PHACTR2: variants seen among roughly 807,000 people sequenced by gnomAD.
PHACTR2 encodes chromosome 6 open reading frame 56.
In PHACTR2, 30 loss-of-function variants were observed where a neutral mutation model predicts 76.0. That is an observed-to-expected ratio of 0.39 (90% CI 0.30 to 0.54). The LOEUF (loss-of-function observed/expected upper bound fraction) is 0.54, where lower values mean the gene tolerates loss of function less well. PHACTR2 is among the 20% of genes least tolerant of loss of function. The pLI is 0.61. For missense variants in PHACTR2, 696 were observed against 781.1 expected (o/e 0.89, Z 1.30); for synonymous variants, 292 against 292.5 (o/e 1.00, Z 0.02).
At chr6:143,574,936 C>G (rs1164187392) in intron 1 of PHACTR2, among the ~76,000 whole-genome samples, 1 of 152,192 alleles carries the variant, frequency 6.6e-6, no homozygotes, top group Non-Finnish European at 1.5e-5. Context: ...CGTTAATAGA[C>G]TTGTGAAATT....
In PHACTR2 at chr6:143,683,656, T is replaced by C. The variant is rs527921229; in HGVS notation, c.46+5447T>C. On this transcript the variant is annotated intron_variant, in intron 1 of 12. Transcript: ENST00000440869. The surrounding 1 kb of genome is among the most constrained non-coding windows in gnomAD (Gnocchi z 4.1). Reference sequence around the variant, plus strand: ...AGTTTTGTTCAGGGCCCTGTATTTGTCTTGTCCAGAATATTTATCCATTTC... The same window carrying C: ...AGTTTTGTTCAGGGCCCTGTATTTGCCTTGTCCAGAATATTTATCCATTTC... Among the ~76,000 whole-genome samples, 63 of 152,346 alleles carry C rather than the reference T, an allele frequency of 4.1e-4. No homozygotes were observed. The highest frequency in any genetic ancestry group is 3.4e-3 in the Middle Eastern group (1 of 294).
At position 143,738,462 on chromosome 6, in the gene PHACTR2, C is replaced by G. The variant is rs1036923976; in HGVS notation, c.215-10523C>G. 8.6e-5 allele frequency among the ~76,000 whole-genome samples: 13 copies of G among 151,870 alleles called. No individual in the cohort carries two copies. The highest frequency in any genetic ancestry group is 1.5e-4 in the Non-Finnish European group (10 of 67,950). On this transcript the variant is annotated intron_variant, in intron 2 of 12. Transcript: ENST00000440869. The surrounding 1 kb of genome is among the most constrained non-coding windows in gnomAD (Gnocchi z 4.0). ...TTACCCCAGGGCAATAGAATTAGAT[C>G]TTTAAATGAGTTGGGACCAGCACAG...
chr6:143,782,309 G>T lies in PHACTR2; in HGVS notation c.1646-910G>T, dbSNP rs1775451704. Among the ~76,000 whole-genome samples, 1 of 152,112 alleles carries T rather than the reference G, an allele frequency of 6.6e-6. No individual in the cohort carries two copies. Among genetic ancestry groups the T allele is most frequent in the African/African-American group, 2.4e-5 (1 of 41,434 alleles). The stretch of plus-strand genomic sequence containing the variant: ...CCTTTTGGTCAAGGCTTTATATGGT[G>T]TTATTTTCCTGCAAAAGAGTTCATA... On this transcript the variant is annotated intron_variant, in intron 9 of 12. Transcript: ENST00000440869. The surrounding 1 kb of genome is among the most constrained non-coding windows in gnomAD (Gnocchi z 4.6).
chr6:143,796,487 G>A (rs1053990808), intron 11 of PHACTR2, among the ~76,000 whole-genome samples: 7 of 151,436 alleles, frequency 4.6e-5, no homozygotes, highest in African/African-American at 1.5e-4. Flanking sequence ...AGGTATACAC[G>A]TGCCATGGTG....
At chr6:143,715,423 G>A (rs1778280340) in intron 2 of PHACTR2, among the ~76,000 whole-genome samples, 1 of 152,078 alleles carries the variant, frequency 6.6e-6, no homozygotes, top group Admixed American at 6.5e-5. Context: ...CCTCAAACTG[G>A]CCCAGGCTCC....
In PHACTR2 at chr6:143,570,319, G is replaced by T. The variant is rs138555629; in HGVS notation, c.217+33112G>T. ...CATTTGTTTTTCCATTCAGCCACCC[G>T]CTGGCCCTAATCACAAATGTCTTTG... On this transcript the variant is annotated intron_variant, in intron 1 of 11. Transcript: ENST00000367584. This position sits in a 1 kb window ranked among gnomAD's most constrained non-coding sequence, Gnocchi z 4.6. 6.6e-6 allele frequency among the ~76,000 whole-genome samples: 1 copy of T among 152,126 alleles called. No homozygotes were observed.
At chr6:143,786,925 A>G (rs986130441) in intron 10 of PHACTR2, among the ~76,000 whole-genome samples, 1 of 152,144 alleles carries the variant, frequency 6.6e-6, no homozygotes, top group African/African-American at 2.4e-5. Context: ...TTTTTTCTCA[A>G]AGCTCATAAA....
At position 143,738,050 on chromosome 6, in the gene PHACTR2, C is replaced by A. The variant is rs187396864; in HGVS notation, c.215-10935C>A. 2.3e-4 allele frequency among the ~76,000 whole-genome samples: 35 copies of A among 152,346 alleles called. 1 individual carries two copies. The East Asian group carries it at 6.7e-3, about 29-fold the overall frequency. On this transcript the variant is annotated intron_variant, in intron 2 of 12. Coordinates refer to ENST00000440869, the MANE Select transcript of PHACTR2 (RefSeq NM_001100164.2). This position sits in a 1 kb window ranked among gnomAD's most constrained non-coding sequence, Gnocchi z 4.0. Reference sequence around the variant, plus strand: ...AACTTAGACTGGTTATCCCCACCTACCTGAGTTGGTGTTGTTTTAATATGT... The same window carrying A: ...AACTTAGACTGGTTATCCCCACCTAACTGAGTTGGTGTTGTTTTAATATGT...
rs1276932945 is a variant in PHACTR2 at position 143,583,034 on chromosome 6, A to C, written c.217+45827A>C. ...TCACCATTCACATACTTTAATTAGA[A>C]ACATCATAATGAGTCTTTCTATTTT... On this transcript the variant is annotated intron_variant, in intron 1 of 11. Transcript: ENST00000367584. The surrounding 1 kb of genome is among the most constrained non-coding windows in gnomAD (Gnocchi z 4.0). Among the ~76,000 whole-genome samples, 1 of 152,236 alleles carries C rather than the reference A, an allele frequency of 6.6e-6. No homozygotes were observed. Among genetic ancestry groups the C allele is most frequent in the Non-Finnish European group, 1.5e-5 (1 of 68,032 alleles).
intron 1 of PHACTR2, among the ~76,000 whole-genome samples, chr6:143,661,961 T>C (rs748394196): frequency 2.0e-5 from 3 of 152,150 alleles, no homozygotes; most frequent in Non-Finnish European, 2.9e-5. Flanking sequence ...TGGAGGGTGA[T>C]GTGTGGATTT....
At chr6:143,732,517 C>T (rs1297443594) in intron 2 of PHACTR2, among the ~76,000 whole-genome samples, 1 of 152,158 alleles carries the variant, frequency 6.6e-6, no homozygotes, top group Non-Finnish European at 1.5e-5. Context: ...TTTATTTATT[C>T]ATCAGTTGCT....
chr6:143,753,027 T>A lies in PHACTR2; in HGVS notation c.296-727T>A, dbSNP rs536872995. Among the ~76,000 whole-genome samples, 2 of 152,162 alleles carry A rather than the reference T, an allele frequency of 1.3e-5. No homozygotes were observed. Among genetic ancestry groups the A allele is most frequent in the African/African-American group, 2.4e-5 (1 of 41,574 alleles). Reference sequence around the variant, plus strand: ...CAACATTGTATCCATTATGGTTTTTTAAAATTCCTTTGTGATTACTTTTTT... The same window carrying A: ...CAACATTGTATCCATTATGGTTTTTAAAAATTCCTTTGTGATTACTTTTTT... On this transcript the variant is annotated intron_variant, in intron 3 of 12. Coordinates refer to ENST00000440869, the MANE Select transcript of PHACTR2 (RefSeq NM_001100164.2). This position sits in a 1 kb window ranked among gnomAD's most constrained non-coding sequence, Gnocchi z 4.6.
intron 1 of PHACTR2, among the ~76,000 whole-genome samples, chr6:143,628,980 C>T (rs1233092432): frequency 2.9e-5 from 3 of 103,654 alleles, no homozygotes; most frequent in East Asian, 4.7e-4. Context: ...TATATATATA[C>T]TGCAAATCCT....
In PHACTR2 at chr6:143,625,027, A is replaced by G. The variant is rs1362357796; in HGVS notation, c.13+16705A>G. 2.0e-5 allele frequency among the ~76,000 whole-genome samples: 3 copies of G among 152,072 alleles called. No individual in the cohort carries two copies. The highest frequency in any genetic ancestry group is 2.9e-5 in the Non-Finnish European group (2 of 68,018). On this transcript the variant is annotated intron_variant, in intron 1 of 11. Transcript: ENST00000305766. The surrounding 1 kb of genome is among the most constrained non-coding windows in gnomAD (Gnocchi z 4.3). ...AAAAATTAGCTGAGCGTGGTGGTGC[A>G]TGCCTGTAATCCTAGCTACAGGGGA...
chr6:143,626,404 G>GA, intron 1 of PHACTR2, among the ~76,000 whole-genome samples: 1 of 152,176 alleles, frequency 6.6e-6, no homozygotes, highest in African/African-American at 2.4e-5. Context: ...GGGCGCGGTG[G>GA]TGGGCGCCTT....
chr6:143,549,961 T>G lies in PHACTR2; in HGVS notation c.217+12754T>G, dbSNP rs1775069771. Among the ~76,000 whole-genome samples the G allele has an allele frequency of 1.3e-5, 2 of 151,996 alleles. No homozygotes were observed. Among genetic ancestry groups the G allele is most frequent in the South Asian group, 4.2e-4 (2 of 4,810 alleles). Reference sequence around the variant, plus strand: ...GGCAACAAAGGCACACCACAAAGGATGAAAACTGAGAGTCCCGGTCAGCTT... The same window carrying G: ...GGCAACAAAGGCACACCACAAAGGAGGAAAACTGAGAGTCCCGGTCAGCTT... On this transcript the variant is annotated intron_variant, in intron 1 of 11. Transcript: ENST00000367584. This position sits in a 1 kb window ranked among gnomAD's most constrained non-coding sequence, Gnocchi z 4.2.
At chr6:143,693,783 C>T (rs1777705540) in intron 1 of PHACTR2, among the ~76,000 whole-genome samples, 1 of 152,118 alleles carries the variant, frequency 6.6e-6, no homozygotes, top group South Asian at 2.1e-4. Flanking sequence ...GGAAATTAAC[C>T]AGTGTGACTA....
chr6:143,759,982 G>T (rs1224671022), intron 4 of PHACTR2, among the ~76,000 whole-genome samples: 1 of 152,134 alleles, frequency 6.6e-6, no homozygotes, highest in African/African-American at 2.4e-5. Context: ...CCCCACAGCA[G>T]TGACTGTAAC....
chr6:143,637,830 C>T (rs1340667536), intron 1 of PHACTR2, among the ~76,000 whole-genome samples: 4 of 152,336 alleles, frequency 2.6e-5, no homozygotes, highest in Middle Eastern at 3.4e-3. Flanking sequence ...AACATCCCTT[C>T]GCCTTTGGCA....
Sources: gnomAD v4.1 joint callset for allele counts (sites outside exome capture counted in the v4.1 genomes callset) on GRCh38, gnomAD v4.1.1 for gene constraint, Gnocchi (gnomAD v3.1) non-coding constraint, MANE v1.5 for transcripts, NCBI Gene and HGNC (gene_info 2026-07-23, HGNC 2026-07-21) for gene names.